The following CRYL1 variants were observed in gnomAD, a reference collection of about 807,000 sequenced individuals.
The protein encoded by CRYL1 is lambda-crystallin homolog.
CRYL1 carries 29 observed loss-of-function variants against 36.6 expected under a neutral mutation model. The ratio of observed to expected loss-of-function variants is 0.79; its 90% CI spans 0.59 to 1.08. CRYL1 has a LOEUF of 1.08. Ranked by LOEUF, CRYL1 falls within the 50% of genes least tolerant of loss-of-function variation. The pLI, the probability that CRYL1 is intolerant of heterozygous loss-of-function variation, is 0.00. For missense variants in CRYL1, 411 were observed against 407.9 expected, an observed-to-expected ratio of 1.01 and a Z score of -0.06; for synonymous variants, 152 against 151.5, an observed-to-expected ratio of 1.00 and a Z score of -0.02.
chr13:20,472,510 T>G (rs1287313294), intron 3 of CRYL1, among the ~76,000 whole-genome samples: 2 of 152,170 alleles, frequency 1.3e-5, no homozygotes, highest in African/African-American at 4.8e-5. Context: ...GGGTGGTTTC[T>G]AATATTATCT....
In CRYL1 at chr13:20,416,316, G is replaced by A. The variant is rs148792092; in HGVS notation, c.634-2929C>T. 9.4e-3 allele frequency among the ~76,000 whole-genome samples: 1,430 copies of A among 152,310 alleles called. 13 individuals carry two copies. The highest frequency in any genetic ancestry group is 0.032 in the African/African-American group (1,348 of 41,564). On this transcript the variant is annotated intron_variant, in intron 5 of 7. Coordinates refer to ENST00000298248, the MANE Select transcript of CRYL1 (RefSeq NM_015974.3). Reference sequence around the variant, plus strand: ...CACTCCCAATAGCGAAGCTGTAACGGGTCGGGGCATCACGGGGGCTGGGGG... The same window carrying A: ...CACTCCCAATAGCGAAGCTGTAACGAGTCGGGGCATCACGGGGGCTGGGGG...
At chr13:20,483,967 C>T (rs138670727) in intron 3 of CRYL1, among the ~76,000 whole-genome samples, 1,701 of 152,274 alleles carry the variant, frequency 0.011, 17 homozygotes, top group Non-Finnish European at 0.015. Flanking sequence ...CAGGTGCCCA[C>T]CACCACACCT....
At chr13:20,521,102 C>CAAAAAA (rs55882188) in intron 1 of CRYL1, among the ~76,000 whole-genome samples, 1 of 75,506 alleles carries the variant, frequency 1.3e-5, no homozygotes, top group African/African-American at 6.7e-5. Context: ...GACTCCGTCT[C>CAAAAAA]AAAAAAAAAA....
At chr13:20,450,950 C>G (rs61955476) in intron 3 of CRYL1, among the ~76,000 whole-genome samples, 39,929 of 151,214 alleles carry the variant, frequency 0.26, 5,574 homozygotes, top group Non-Finnish European at 0.32. Flanking sequence ...TCTCAGCAAA[C>G]TATCGCAAGG....
chr13:20,489,770 G>A lies in CRYL1; in HGVS notation c.150-274C>T, dbSNP rs187263134. Among the ~76,000 whole-genome samples the A allele has an allele frequency of 7.2e-5, 11 of 152,300 alleles. No homozygotes were observed. The East Asian group carries it at 1.9e-3, about 27-fold the overall frequency. ...GTTCCCAAAAACAGAATTACAGTAT[G>A]ATCCAGCAATTCAACTTCTGGGTAT... On this transcript the variant is annotated intron_variant, in intron 2 of 7. Transcript: ENST00000298248.
intron 5 of CRYL1, among the ~76,000 whole-genome samples, chr13:20,420,231 G>T (rs577679343): frequency 6.6e-6 from 1 of 152,226 alleles, no homozygotes; most frequent in Non-Finnish European, 1.5e-5. Context: ...AAGAGGACGC[G>T]CAGGAGTCAG....
chr13:20,456,576 T>G (rs1158398607), intron 3 of CRYL1, among the ~76,000 whole-genome samples: 1 of 148,414 alleles, frequency 6.7e-6, no homozygotes, highest in Non-Finnish European at 1.5e-5. Context: ...TGATCTGTAC[T>G]CAGGCCTGGG....
chr13:20,483,456 A>T (rs964821664), intron 3 of CRYL1, among the ~76,000 whole-genome samples: 1 of 151,940 alleles, frequency 6.6e-6, no homozygotes, highest in African/African-American at 2.4e-5. Context: ...CATATCATCA[A>T]CATGAAGTCA....
chr13:20,439,670 T>G lies in CRYL1; in HGVS notation c.361A>C (p.Ser121Arg), dbSNP rs769874438. 7 of 1,614,136 alleles carry G rather than the reference T, an allele frequency of 4.3e-6. No individual in the cohort carries two copies. In the East Asian group the frequency reaches 1.6e-4, roughly 36 times the overall value. The stretch of plus-strand genomic sequence containing the variant: ...GAAGGCATGAGACAAGAAGTGGAAC[T>G]GCTTAAGATCACTCGATCATCAATG... ...SIIDDRVILS[S>R]STSCLMPSKL... is the part of the protein sequence containing the mutation. Residue 121 changes from serine to arginine, a missense_variant, in exon 4 of 8, where the codon AGT (serine) becomes CGT (arginine). Physicochemically the swap from Ser to Arg is moderately radical, Grantham distance 110 (BLOSUM62 -1). Coordinates refer to ENST00000298248, the MANE Select transcript of CRYL1 (RefSeq NM_015974.3).
intron 3 of CRYL1, among the ~76,000 whole-genome samples, chr13:20,448,971 C>T (rs71426012): frequency 0.046 from 6,981 of 152,262 alleles, 336 homozygotes; most frequent in Admixed American, 0.16. Flanking sequence ...GGTTCGAGAC[C>T]AGCCTGGCCA....
chr13:20,452,763 G>A (rs1049127898), intron 3 of CRYL1, among the ~76,000 whole-genome samples: 1 of 152,144 alleles, frequency 6.6e-6, no homozygotes, highest in East Asian at 1.9e-4. Flanking sequence ...TGCCATTCTG[G>A]TGGGAGTTGC....
chr13:20,474,361 G>C (rs1455355728), intron 3 of CRYL1, among the ~76,000 whole-genome samples: 1 of 152,116 alleles, frequency 6.6e-6, no homozygotes, highest in Non-Finnish European at 1.5e-5. Context: ...TGCTGCATAG[G>C]GATGGGATGT....
Position 20,432,260 on chromosome 13 carries a change from C to T in CRYL1, c.475G>A (p.Val159Ile), listed in dbSNP as rs773163081. ...GTAGGGGCCGTCTCCGGGTGGGGGA[C>T]CAGCTCAACCAGCGGGATGTAGTAT... ...PPYYIPLVEL[V>I]PHPETAPTTV... Residue 159 changes from valine (V) to isoleucine (I), a missense_variant, in exon 5 of 8, where the codon GTC becomes ATC. Transcript: ENST00000298248. 6.2e-7 allele frequency: 1 copy of T among 1,613,034 alleles called. No homozygotes were observed. Among genetic ancestry groups the T allele is most frequent in the African/African-American group, 1.3e-5 (1 of 74,674 alleles).
chr13:20,440,407 G>A (rs770604171), intron 3 of CRYL1, among the ~76,000 whole-genome samples: 1 of 152,220 alleles, frequency 6.6e-6, no homozygotes, highest in Non-Finnish European at 1.5e-5. Context: ...TTAAGGATGA[G>A]AAAAGGCTGC....
At chr13:20,495,577 T>G (rs921544692) in intron 2 of CRYL1, among the ~76,000 whole-genome samples, 2 of 152,186 alleles carry the variant, frequency 1.3e-5, no homozygotes, top group Non-Finnish European at 2.9e-5. Context: ...GGAAAACGTA[T>G]GGTGGTAACT....
rs1565958133 is a variant in CRYL1 at position 20,420,704 on chromosome 13, TGTGTGTG to T, written c.634-7324_634-7318del. On this transcript the variant is annotated intron_variant, in intron 5 of 7. Coordinates refer to ENST00000298248, the MANE Select transcript of CRYL1 (RefSeq NM_015974.3). ...TGACTTTTCTTTAAAATAGAGGTTG[TGTGTGTG>T]TGTGTGTGTGTGTGTGTGTGTGTGT... 7.6e-3 allele frequency among the ~76,000 whole-genome samples: 828 copies of T among 109,538 alleles called. 222 individuals are homozygous for T. Among genetic ancestry groups the T allele is most frequent in the East Asian group, 0.022 (78 of 3,626 alleles). The allele number at this position is 109,538 out of a possible 152,430, so 71.9% of individuals were successfully genotyped here.
intron 3 of CRYL1, among the ~76,000 whole-genome samples, chr13:20,478,402 A>G (rs1475163013): frequency 6.6e-6 from 1 of 152,174 alleles, no homozygotes; most frequent in East Asian, 1.9e-4. Context: ...ACATGAAGTC[A>G]ACTTTCTCAC....
chr13:20,506,487 C>G (rs572836987), intron 2 of CRYL1, among the ~76,000 whole-genome samples: 33 of 151,794 alleles, frequency 2.2e-4, no homozygotes, highest in Admixed American at 7.9e-4. Flanking sequence ...AAATACAGCT[C>G]TTAATTAAGC....
At chr13:20,427,172 C>T in intron 5 of CRYL1, 1 of 985,462 alleles carries the variant, frequency 1.0e-6, no homozygotes, top group Non-Finnish European at 1.2e-6. Context: ...GAAATGACAT[C>T]CCAGCCAATA....
Sources: gnomAD v4.1 joint callset for allele counts (sites outside exome capture counted in the v4.1 genomes callset) on GRCh38, gnomAD v4.1.1 for gene constraint, MANE v1.5 for transcripts, NCBI Gene and HGNC (gene_info 2026-07-23, HGNC 2026-07-21) for gene names.